The following NRG1 variants were observed in gnomAD, a reference collection of about 807,000 sequenced individuals.
NRG1 encodes the protein neuregulin 1.
NRG1 carries 18 observed loss-of-function variants against 63.8 expected under a neutral mutation model. The ratio of observed to expected loss-of-function variants is 0.28; its 90% CI spans 0.19 to 0.42. The LOEUF (loss-of-function observed/expected upper bound fraction) is 0.42. Among genes scored for constraint, NRG1 ranks in the 10% least tolerant of loss-of-function variants. The probability of loss-of-function intolerance (pLI) is 1.00; values close to 1 mark genes in which losing one functional copy is unlikely to be tolerated. For missense variants in NRG1, 762 were observed against 814.7 expected, an observed-to-expected ratio of 0.94 and a Z score of 0.79; for synonymous variants, 302 against 301.3, an observed-to-expected ratio of 1.00 and a Z score of -0.02.
At position 32,133,937 on chromosome 8, in the gene NRG1, C is replaced by T. The variant is rs549057059; in HGVS notation, c.38-461891C>T. ...CAGGATAATTTAAGTGATTATTTTT[C>T]AGCCACTTTTTTTTGGAAAACATAT... On this transcript the variant is annotated intron_variant, in intron 1 of 10. Transcript: ENST00000519301. Among the ~76,000 whole-genome samples the T allele has an allele frequency of 5.9e-5, 9 of 152,204 alleles. No individual in the cohort carries two copies. In the South Asian group the frequency reaches 1.0e-3, roughly 18 times the overall value.
At chr8:32,425,501 C>T (rs1817246910) in intron 1 of NRG1, among the ~76,000 whole-genome samples, 1 of 152,162 alleles carries the variant, frequency 6.6e-6, no homozygotes, top group African/African-American at 2.4e-5. Context: ...AACTACCTCC[C>T]CCATCTATTT....
chr8:32,076,370 G>T (rs1826549110), intron 1 of NRG1, among the ~76,000 whole-genome samples: 1 of 152,122 alleles, frequency 6.6e-6, no homozygotes, highest in Non-Finnish European at 1.5e-5. Context: ...AAACTAAAAA[G>T]TGTTTAATAC....
chr8:32,419,160 A>G (rs1327743047), intron 1 of NRG1, among the ~76,000 whole-genome samples: 1 of 152,218 alleles, frequency 6.6e-6, no homozygotes, highest in Admixed American at 6.5e-5. Context: ...AAATATACAA[A>G]CGCTAAATAA....
At chr8:31,731,117 A>G (rs1814002031) in intron 1 of NRG1, among the ~76,000 whole-genome samples, 1 of 152,160 alleles carries the variant, frequency 6.6e-6, no homozygotes, top group African/African-American at 2.4e-5. Context: ...GCGATTTGGC[A>G]ATGTATATCA....
chr8:31,861,441 C>A (rs1412503855), intron 1 of NRG1, among the ~76,000 whole-genome samples: 1 of 151,724 alleles, frequency 6.6e-6, no homozygotes, highest in East Asian at 1.9e-4. Flanking sequence ...TTTCTTTTTC[C>A]CCTAGATGGA....
intron 1 of NRG1, among the ~76,000 whole-genome samples, chr8:31,747,548 A>T (rs1816014835): frequency 6.6e-6 from 1 of 151,940 alleles, no homozygotes; most frequent in Non-Finnish European, 1.5e-5. Context: ...TGGTAAGCAT[A>T]GTCTCTTCTC....
intron 1 of NRG1, among the ~76,000 whole-genome samples, chr8:31,856,092 T>C (rs1384454404): frequency 6.6e-6 from 1 of 151,706 alleles, no homozygotes; most frequent in Non-Finnish European, 1.5e-5. Context: ...TTATGTGTCT[T>C]GGAGTTGCTC....
intron 1 of NRG1, among the ~76,000 whole-genome samples, chr8:32,482,763 T>C (rs985450921): frequency 8.6e-5 from 13 of 152,034 alleles, no homozygotes; most frequent in African/African-American, 3.1e-4. Context: ...CTTTCGAGTG[T>C]TGAATCAGAA....
chr8:31,951,743 T>C (rs1563608917), intron 1 of NRG1, among the ~76,000 whole-genome samples: 1 of 152,178 alleles, frequency 6.6e-6, no homozygotes, highest in Non-Finnish European at 1.5e-5. Context: ...GAGCATGTTT[T>C]CCTTGCCATC....
At chr8:31,986,932 C>A (rs1810162041) in intron 1 of NRG1, among the ~76,000 whole-genome samples, 1 of 152,084 alleles carries the variant, frequency 6.6e-6, no homozygotes, top group South Asian at 2.1e-4. Context: ...TGAAACAATT[C>A]AAGTAGAGTG....
In NRG1 at chr8:31,929,686, G is replaced by C. The variant is rs545820438; in HGVS notation, c.37+290255G>C. 1.1e-4 allele frequency among the ~76,000 whole-genome samples: 16 copies of C among 152,208 alleles called. No individual in the cohort carries two copies. The South Asian group carries it at 3.1e-3, about 30-fold the overall frequency. ...TAATTGCTATAAATTGCCCAACTAAGACATATAACTTCCTGTTATCCTTTC... is the reference window on the plus strand; with the variant it reads ...TAATTGCTATAAATTGCCCAACTAACACATATAACTTCCTGTTATCCTTTC... On this transcript the variant is annotated intron_variant, in intron 1 of 10. Coordinates refer to the NRG1 transcript ENST00000519301.
At position 32,248,930 on chromosome 8, in the gene NRG1, G is replaced by A. The variant is rs76443973; in HGVS notation, c.38-346898G>A. On this transcript the variant is annotated intron_variant, in intron 1 of 10. Transcript: ENST00000519301. Reference sequence around the variant, plus strand: ...TTTGCCAAACATTTACCTAGATTTTGTGAACTTGAATTATTGTCTCTGAGT... The same window carrying A: ...TTTGCCAAACATTTACCTAGATTTTATGAACTTGAATTATTGTCTCTGAGT... Among the ~76,000 whole-genome samples the A allele has an allele frequency of 1.2e-3, 180 of 152,052 alleles. 3 individuals are homozygous for A. The South Asian group carries it at 0.017, about 14-fold the overall frequency.
chr8:32,752,544 C>T (rs1016312772), intron 7 of NRG1, among the ~76,000 whole-genome samples: 1 of 152,134 alleles, frequency 6.6e-6, no homozygotes, highest in African/African-American at 2.4e-5. Context: ...TATGGAATGA[C>T]CCTTCCAACT....
intron 1 of NRG1, among the ~76,000 whole-genome samples, chr8:32,195,272 A>G (rs1158030533): frequency 6.6e-6 from 1 of 151,944 alleles, no homozygotes; most frequent in Non-Finnish European, 1.5e-5. Context: ...CCTATCTACA[A>G]AAACTATATT....
chr8:32,284,922 T>G (rs1438452404), intron 1 of NRG1, among the ~76,000 whole-genome samples: 8 of 152,182 alleles, frequency 5.3e-5, no homozygotes. Context: ...GAATGGAATA[T>G]TACACAACTG....
rs528219966 is a variant in NRG1 at position 31,756,281 on chromosome 8, T to C, written c.37+116850T>C. Among the ~76,000 whole-genome samples the C allele has an allele frequency of 4.2e-4, 64 of 152,218 alleles. No individual in the cohort carries two copies. The South Asian group carries it at 6.4e-3, about 15-fold the overall frequency. On this transcript the variant is annotated intron_variant, in intron 1 of 10. Transcript: ENST00000519301. The stretch of plus-strand genomic sequence containing the variant: ...CTGATAACACACTCATAACATCCTA[T>C]CTGTTATTTACCCATCTCTGTGAAA...
intron 1 of NRG1, among the ~76,000 whole-genome samples, chr8:31,692,411 A>T (rs1809621978): frequency 6.6e-6 from 1 of 152,198 alleles, no homozygotes; most frequent in Non-Finnish European, 1.5e-5. Context: ...AGTATAAAAG[A>T]AGTAGACATT....
chr8:32,115,979 A>T (rs112586508), intron 1 of NRG1, among the ~76,000 whole-genome samples: 3 of 152,242 alleles, frequency 2.0e-5, no homozygotes, highest in African/African-American at 7.2e-5. Context: ...TCCTCTTTTC[A>T]TCTGTAATAT....
chr8:32,122,871 G>A (rs993063339), intron 1 of NRG1, among the ~76,000 whole-genome samples: 5 of 151,514 alleles, frequency 3.3e-5, no homozygotes, highest in Middle Eastern at 3.4e-3. Context: ...GAGAACACAC[G>A]GTGTTTGGTT....
Sources: gnomAD v4.1 joint callset for allele counts (sites outside exome capture counted in the v4.1 genomes callset) on GRCh38, gnomAD v4.1.1 for gene constraint, MANE v1.5 for transcripts, NCBI Gene and HGNC (gene_info 2026-07-23, HGNC 2026-07-21) for gene names.